ZC4H2: variants seen among roughly 807,000 people sequenced by gnomAD.
The protein encoded by ZC4H2 is zinc finger C4H2 domain-containing protein.
For synonymous variants in ZC4H2, 84 were observed against 66.3 expected (o/e 1.27, Z -1.30); for missense variants, 137 against 173.9 (o/e 0.79, Z 1.19).
At chrX:65,027,770 G>C (rs1014975213) in intron 1 of ZC4H2, among the ~76,000 whole-genome samples, 7 of 111,573 alleles carry the variant, frequency 6.3e-5, no homozygotes, top group Admixed American at 1.9e-4. Context: ...TCAGGCAAAG[G>C]GTTTCATGTG....
upstream of ZC4H2, among the ~76,000 whole-genome samples, chrX:64,978,656 C>G (rs1932020477): frequency 1.8e-5 from 2 of 111,417 alleles, no homozygotes; most frequent in South Asian, 7.5e-4. Context: ...TTTGCCATGT[C>G]CACACAATAA....
chrX:64,929,532 T>A (rs1929642040), intron 1 of ZC4H2, among the ~76,000 whole-genome samples: 1 of 111,851 alleles, frequency 8.9e-6, no homozygotes. Flanking sequence ...CATTTTGAGT[T>A]AATTTTTGTA....
upstream of ZC4H2, chrX:64,976,467 C>G (rs1014251546): frequency 9.9e-7 from 1 of 1,012,974 alleles, no homozygotes; most frequent in African/African-American, 1.9e-5. Flanking sequence ...CTCCTCCGGG[C>G]TTGGGGCTAT....
chrX:64,918,938 G>C, intron 4 of ZC4H2, 104 bp downstream of exon 4: 2 of 1,012,685 alleles, frequency 2.0e-6, no homozygotes, highest in Non-Finnish European at 2.6e-6. Flanking sequence ...GCCATTAAAA[G>C]AAGGCCCAGC....
intron 1 of ZC4H2, among the ~76,000 whole-genome samples, chrX:64,954,624 G>A (rs988754784): frequency 8.5e-5 from 9 of 105,933 alleles, no homozygotes; most frequent in Non-Finnish European, 1.7e-4. Context: ...CTAGAATATG[G>A]TGTCTTTTAG....
At chrX:64,928,682 T>TTCTTCTTCTTCTTCTTCTTCC (rs1331300174) in intron 1 of ZC4H2, among the ~76,000 whole-genome samples, 3 of 91,941 alleles carry the variant, frequency 3.3e-5, no homozygotes, top group African/African-American at 1.1e-4. Context: ...CTTCTTCTTC[T>TTCTTCTTCTTCTTCTTCTTCC]TCCTCCTCCT....
intron 1 of ZC4H2, among the ~76,000 whole-genome samples, chrX:64,998,090 C>T (rs1198890177): frequency 9.0e-6 from 1 of 111,481 alleles, no homozygotes; most frequent in African/African-American, 3.3e-5. Flanking sequence ...GTCAACTAAA[C>T]ACACAGAAAA....
intron 1 of ZC4H2, among the ~76,000 whole-genome samples, chrX:64,953,115 C>A (rs1930949025): frequency 1.8e-5 from 2 of 111,869 alleles, no homozygotes; most frequent in Non-Finnish European, 3.8e-5. Flanking sequence ...AACTGGCTAG[C>A]CATATTAGAA....
At chrX:64,937,575 A>G (rs1023325171) in intron 1 of ZC4H2, among the ~76,000 whole-genome samples, 1 of 111,599 alleles carries the variant, frequency 9.0e-6, no homozygotes, top group Non-Finnish European at 1.9e-5. Flanking sequence ...AATGAAAATC[A>G]TAACAGTCTC....
At chrX:64,946,648 C>T (rs1025093131) in intron 1 of ZC4H2, among the ~76,000 whole-genome samples, 5 of 110,178 alleles carry the variant, frequency 4.5e-5, no homozygotes, top group East Asian at 2.8e-4. Flanking sequence ...TGGGGATAAA[C>T]CCTGGTTGTT....
At chrX:65,022,305 C>T (rs1932842757) in intron 1 of ZC4H2, among the ~76,000 whole-genome samples, 1 of 111,632 alleles carries the variant, frequency 9.0e-6, no homozygotes, top group Admixed American at 9.5e-5. Context: ...AATCCAGGAG[C>T]ACATCAAAAA....
chrX:64,941,727 A>T lies in ZC4H2; in HGVS notation c.54-19739T>A, dbSNP rs191656744. Among the ~76,000 whole-genome samples, 6 of 112,376 alleles carry T rather than the reference A, an allele frequency of 5.3e-5. No individual in the cohort carries two copies. In the East Asian group the frequency reaches 1.7e-3, roughly 31 times the overall value. On this transcript the variant is annotated intron_variant, in intron 1 of 4. Coordinates refer to ENST00000374839, the MANE Select transcript of ZC4H2 (RefSeq NM_018684.4). The stretch of plus-strand genomic sequence containing the variant: ...TTTGCATATGTTGAACTAGCCTTGC[A>T]TCCCAGGGATGAAACCAACCTGATC...
At chrX:64,928,835 C>T (rs1333322795) in intron 1 of ZC4H2, among the ~76,000 whole-genome samples, 1 of 100,844 alleles carries the variant, frequency 9.9e-6, no homozygotes, top group Non-Finnish European at 2.0e-5. Flanking sequence ...TCTTCCTCCT[C>T]CTCCTTCTCC....
intron 1 of ZC4H2, among the ~76,000 whole-genome samples, chrX:64,985,173 T>C (rs768784069): frequency 8.9e-6 from 1 of 112,242 alleles, no homozygotes; most frequent in African/African-American, 3.2e-5. Flanking sequence ...TACAGGGGTC[T>C]TTTTTGTTAT....
chrX:64,979,748 T>C (rs1164087365), upstream of ZC4H2, among the ~76,000 whole-genome samples: 1 of 111,769 alleles, frequency 8.9e-6, no homozygotes, highest in Non-Finnish European at 1.9e-5. Flanking sequence ...ATTTAAGATA[T>C]GGGCTAGCAG....
intron 1 of ZC4H2, among the ~76,000 whole-genome samples, chrX:64,954,366 ATATATAATTATATATATT>A (rs1351273430): frequency 2.7e-5 from 2 of 75,122 alleles, no homozygotes; most frequent in African/African-American, 9.1e-5. Context: ...TTATATATAT[ATATATAATTATATATATT>A]TATAATTATA....
At chrX:64,999,333 C>T (rs771563043) in intron 1 of ZC4H2, among the ~76,000 whole-genome samples, 7 of 111,475 alleles carry the variant, frequency 6.3e-5, no homozygotes, top group Non-Finnish European at 1.1e-4. Flanking sequence ...CCAGGAAGCA[C>T]AAAGGGTTGG....
intron 1 of ZC4H2, among the ~76,000 whole-genome samples, chrX:64,925,831 C>G (rs776027884): frequency 3.8e-4 from 43 of 111,991 alleles, no homozygotes; most frequent in Non-Finnish European, 7.0e-4. Flanking sequence ...GGGTGAAGGG[C>G]TGCCACCAGC....
intron 1 of ZC4H2, among the ~76,000 whole-genome samples, chrX:64,931,042 T>C (rs1349612112): frequency 8.9e-6 from 1 of 112,117 alleles, no homozygotes; most frequent in East Asian, 2.8e-4. Flanking sequence ...TTGCTTTTTG[T>C]TATTGGTCTG....
Sources: gnomAD v4.1 joint callset for allele counts (sites outside exome capture counted in the v4.1 genomes callset) on GRCh38, gnomAD v4.1.1 for gene constraint, MANE v1.5 for transcripts, NCBI Gene and HGNC (gene_info 2026-07-23, HGNC 2026-07-21) for gene names.